Variants in SHTN1 observed in about 807,000 individuals in gnomAD.
The protein encoded by SHTN1 is shootin-1.
A neutral mutation model predicts 83.1 loss-of-function variants in SHTN1; 42 were observed. The ratio of observed to expected loss-of-function variants is 0.51; its 90% CI spans 0.39 to 0.65. The LOEUF (loss-of-function observed/expected upper bound fraction) is 0.65. Ranked by LOEUF, SHTN1 falls within the 30% of genes least tolerant of loss-of-function variation. The pLI is 0.00. For synonymous variants in SHTN1, 224 were observed against 247.7 expected, an observed-to-expected ratio of 0.90 and a Z score of 0.90; for missense variants, 622 against 737.8, an observed-to-expected ratio of 0.84 and a Z score of 1.82.
intron 13 of SHTN1, among the ~76,000 whole-genome samples, chr10:116,912,974 G>A (rs2133350039): frequency 6.6e-6 from 1 of 152,320 alleles, no homozygotes; most frequent in South Asian, 2.1e-4. Context: ...AGCTCTCATA[G>A]CGCAGATTTT....
chr10:116,969,308 G>A (rs1243067153), intron 2 of SHTN1, among the ~76,000 whole-genome samples: 1 of 152,096 alleles, frequency 6.6e-6, no homozygotes, highest in East Asian at 1.9e-4. Context: ...AGGCGTGGTG[G>A]TGCGCACCTG....
chr10:117,050,584 T>C (rs1852726056), intron 1 of SHTN1, among the ~76,000 whole-genome samples: 1 of 151,884 alleles, frequency 6.6e-6, no homozygotes, highest in Non-Finnish European at 1.5e-5. Flanking sequence ...AAATAATCAA[T>C]ATTAGAGTGC....
At chr10:117,013,331 G>T (rs1018859270) in intron 2 of SHTN1, among the ~76,000 whole-genome samples, 2 of 151,882 alleles carry the variant, frequency 1.3e-5, no homozygotes, top group South Asian at 4.1e-4. Flanking sequence ...CCGCCACCAC[G>T]CCCACCTAAT....
At chr10:117,032,171 T>C (rs1325793543) in intron 2 of SHTN1, among the ~76,000 whole-genome samples, 1 of 152,096 alleles carries the variant, frequency 6.6e-6, no homozygotes, top group African/African-American at 2.4e-5. Context: ...CACTATATAA[T>C]GATAAAGGGG....
intron 1 of SHTN1, among the ~76,000 whole-genome samples, chr10:117,119,843 T>TAAAA (rs34968901): frequency 4.1e-5 from 6 of 148,002 alleles, no homozygotes; most frequent in African/African-American, 1.5e-4. Flanking sequence ...TAATCAGTTG[T>TAAAA]AAAAAAAAAA....
At chr10:117,078,448 C>T (rs965012843) in intron 1 of SHTN1, among the ~76,000 whole-genome samples, 2 of 152,180 alleles carry the variant, frequency 1.3e-5, no homozygotes, top group African/African-American at 4.8e-5. Flanking sequence ...CTATGATATG[C>T]CACACCTATG....
At chr10:117,006,614 G>A (rs569871020), upstream of SHTN1, among the ~76,000 whole-genome samples, 11 of 151,692 alleles carry the variant, frequency 7.3e-5, no homozygotes, top group East Asian at 1.7e-3. Flanking sequence ...AGGGGTTGTG[G>A]TTGCTGACTA....
In SHTN1 at chr10:116,884,924, TAAAG is replaced by T. The variant is rs796911852; in HGVS notation, c.*1416_*1419del. On this transcript the variant is annotated 3_prime_UTR_variant, in exon 17 of 17. Transcript: ENST00000355371. ...ATATCATATAGCAGTATTATCCAGTTAAAGAAAGATACAGTTGAAAAACATTACG... is the reference window on the plus strand; with the variant it reads ...ATATCATATAGCAGTATTATCCAGTTAAAGATACAGTTGAAAAACATTACG... 15 of 152,330 alleles carry T rather than the reference TAAAG, an allele frequency of 9.8e-5. No homozygotes were observed. Among genetic ancestry groups the T allele is most frequent in the African/African-American group, 3.4e-4 (14 of 41,564 alleles). The allele number at this position is 152,330 out of a possible 1,614,324, so 9.4% of individuals were successfully genotyped here. A position where few individuals can be genotyped will look rare whatever the true frequency, so the allele number is the denominator to read the frequency against.
intron 1 of SHTN1, among the ~76,000 whole-genome samples, chr10:117,101,953 A>G (rs2133630000): frequency 6.6e-6 from 1 of 152,176 alleles, no homozygotes; most frequent in African/African-American, 2.4e-5. Flanking sequence ...ATTTTTAAAA[A>G]AATTATAAAT....
chr10:116,918,545 A>G (rs1848449442), intron 12 of SHTN1, among the ~76,000 whole-genome samples: 1 of 152,218 alleles, frequency 6.6e-6, no homozygotes, highest in Non-Finnish European at 1.5e-5. Flanking sequence ...TTCAAATCTG[A>G]CATCAGGTCA....
chr10:117,056,637 C>T (rs1181783387), intron 1 of SHTN1, among the ~76,000 whole-genome samples: 1 of 152,034 alleles, frequency 6.6e-6, no homozygotes, highest in Non-Finnish European at 1.5e-5. Context: ...CTGTGAAACC[C>T]CGTCTCTACT....
chr10:116,960,416 G>C (rs763305465), intron 3 of SHTN1, 186 bp from the exon 4 acceptor site: 2 of 481,400 alleles, frequency 4.2e-6, no homozygotes, highest in African/African-American at 1.9e-5. Context: ...AATGTAGAAA[G>C]AAACAAGAAC....
rs371115811 is a variant in SHTN1, at chr10:117,085,165, T to C, written c.-188-36655A>G. ...CAATGTCATTGATTTTGGCTTAAAT[T>C]TGTATTATTTTTCTTCTACTTTCTT... On this transcript the variant is annotated intron_variant, in intron 1 of 17. Coordinates refer to the SHTN1 transcript ENST00000392901. 2.6e-5 allele frequency among the ~76,000 whole-genome samples: 4 copies of C among 152,300 alleles called. No individual in the cohort carries two copies. The East Asian group carries it at 5.8e-4, about 22-fold the overall frequency.
At chr10:117,044,386 T>C (rs894793811) in intron 2 of SHTN1, among the ~76,000 whole-genome samples, 2 of 152,152 alleles carry the variant, frequency 1.3e-5, no homozygotes, top group African/African-American at 4.8e-5. Flanking sequence ...ATTACTTACA[T>C]ACTCACCTAC....
chr10:117,090,404 A>G (rs186876751), intron 1 of SHTN1, among the ~76,000 whole-genome samples: 278 of 152,262 alleles, frequency 1.8e-3, no homozygotes, highest in African/African-American at 6.3e-3. Context: ...GGGCCAGGGG[A>G]CAGAAGGCTG....
In SHTN1 at chr10:116,981,320, C is replaced by T. The variant is rs76066530; in HGVS notation, c.59-2012G>A. ...TGGGCGACAGAGCGAGACTCTGTCT[C>T]AAAAACAAAACGAAACAAAACATTT... On this transcript the variant is annotated intron_variant, in intron 1 of 16. Coordinates refer to ENST00000355371, the MANE Select transcript of SHTN1 (RefSeq NM_001127211.3). Among the ~76,000 whole-genome samples, 7 of 152,202 alleles carry T rather than the reference C, an allele frequency of 4.6e-5. No homozygotes were observed. In the East Asian group the frequency reaches 1.4e-3, roughly 29 times the overall value.
At chr10:116,933,959 A>G (rs1223980489) in intron 9 of SHTN1, among the ~76,000 whole-genome samples, 1 of 150,906 alleles carries the variant, frequency 6.6e-6, no homozygotes, top group Non-Finnish European at 1.5e-5. Flanking sequence ...GGCCACATAA[A>G]TGTCTTCTTT....
At chr10:117,126,146 G>A (rs1184065165) in intron 1 of SHTN1, among the ~76,000 whole-genome samples, 2 of 152,150 alleles carry the variant, frequency 1.3e-5, no homozygotes. Context: ...GTCACTTCCC[G>A]CCGCTCCACT....
chr10:117,034,380 G>A (rs11197870), intron 2 of SHTN1, among the ~76,000 whole-genome samples: 35,955 of 152,078 alleles, frequency 0.24, 4,931 homozygotes, highest in East Asian at 0.44. Context: ...GGTGGTTCAC[G>A]CCTGTAATCC....
Sources: gnomAD v4.1 joint callset for allele counts (sites outside exome capture counted in the v4.1 genomes callset) on GRCh38, gnomAD v4.1.1 for gene constraint, MANE v1.5 for transcripts, NCBI Gene and HGNC (gene_info 2026-07-23, HGNC 2026-07-21) for gene names.